Variants in NXPH1 observed in about 807,000 individuals in gnomAD.
NXPH1 encodes the protein neurexophilin-1.
NXPH1 carries 5 observed loss-of-function variants against 23.7 expected under a neutral mutation model. The observed-to-expected ratio is 0.21, with a 90% CI of 0.11 to 0.44. The LOEUF is 0.44. NXPH1 is among the 20% of genes least tolerant of loss of function. The pLI is 0.99. For synonymous variants in NXPH1, 144 were observed against 122.2 expected (o/e 1.18, Z -1.18); for missense variants, 324 against 321.6 (o/e 1.01, Z -0.06).
intron 2 of NXPH1, among the ~76,000 whole-genome samples, chr7:8,598,260 T>C (rs1819273249): frequency 6.6e-6 from 1 of 152,150 alleles, no homozygotes; most frequent in African/African-American, 2.4e-5. Context: ...GGAGTGGTAT[T>C]AATACTGAGG....
chr7:8,683,046 A>T (rs2115178186), intron 2 of NXPH1, among the ~76,000 whole-genome samples: 1 of 152,294 alleles, frequency 6.6e-6, no homozygotes, highest in Middle Eastern at 3.4e-3. Context: ...AGAGGTGTTT[A>T]TTTGGCTTGG....
At chr7:8,736,955 C>G (rs1048417022) in intron 2 of NXPH1, among the ~76,000 whole-genome samples, 1 of 145,090 alleles carries the variant, frequency 6.9e-6, no homozygotes, top group Non-Finnish European at 1.5e-5. Context: ...CAACCCCTAC[C>G]TTTTTTTTTT....
intron 2 of NXPH1, among the ~76,000 whole-genome samples, chr7:8,725,357 G>A (rs955770820): frequency 6.6e-6 from 1 of 152,056 alleles, no homozygotes; most frequent in Admixed American, 6.6e-5. Flanking sequence ...GGGCATGGTG[G>A]TGGGCGCCTG....
At chr7:8,734,577 T>G (rs1001765482) in intron 2 of NXPH1, among the ~76,000 whole-genome samples, 1 of 152,008 alleles carries the variant, frequency 6.6e-6, no homozygotes, top group Non-Finnish European at 1.5e-5. Flanking sequence ...TGATTTCCGT[T>G]CTTTTGTATT....
intron 2 of NXPH1, among the ~76,000 whole-genome samples, chr7:8,444,304 A>G (rs932209020): frequency 2.6e-5 from 4 of 152,154 alleles, no homozygotes; most frequent in African/African-American, 9.7e-5. Context: ...AGGTGAAAAG[A>G]GCGGTCGGAA....
chr7:8,673,449 T>A (rs1183496372), intron 2 of NXPH1, among the ~76,000 whole-genome samples: 2 of 152,194 alleles, frequency 1.3e-5, no homozygotes, highest in Non-Finnish European at 2.9e-5. Flanking sequence ...AATGGAAATG[T>A]ATTTCAAATC....
intron 2 of NXPH1, among the ~76,000 whole-genome samples, chr7:8,712,927 C>T (rs552817741): frequency 5.9e-5 from 9 of 152,144 alleles, no homozygotes; most frequent in African/African-American, 1.9e-4. Context: ...GCTTGGTATT[C>T]GGTAACTTTC....
At position 8,635,827 on chromosome 7, in the gene NXPH1, G is replaced by A. The variant is rs992983407; in HGVS notation, c.55-115181G>A. Among the ~76,000 whole-genome samples, 8 of 152,162 alleles carry A rather than the reference G, an allele frequency of 5.3e-5. No individual in the cohort carries two copies. The South Asian group carries it at 1.2e-3, about 24-fold the overall frequency. On this transcript the variant is annotated intron_variant, in intron 2 of 2. Coordinates refer to ENST00000405863, the MANE Select transcript of NXPH1 (RefSeq NM_152745.3). ...AAAAAGTTTGGTCCAACTGAATTTA[G>A]AATATATACACTTGGATAGTTTGCC...
chr7:8,459,943 G>A (rs1246624873), intron 2 of NXPH1, among the ~76,000 whole-genome samples: 2 of 152,142 alleles, frequency 1.3e-5, no homozygotes, highest in African/African-American at 2.4e-5. Context: ...TAGCCAAACT[G>A]AGCTATGCTG....
At chr7:8,515,281 T>A (rs1817669933) in intron 2 of NXPH1, among the ~76,000 whole-genome samples, 1 of 152,106 alleles carries the variant, frequency 6.6e-6, no homozygotes, top group Non-Finnish European at 1.5e-5. Flanking sequence ...TTCTGCAGCA[T>A]GTCCACCAGT....
intron 2 of NXPH1, among the ~76,000 whole-genome samples, chr7:8,539,454 G>T (rs939086045): frequency 1.3e-5 from 2 of 151,746 alleles, no homozygotes; most frequent in Non-Finnish European, 2.9e-5. Flanking sequence ...AGAAAAAAGT[G>T]ATAATACATA....
At position 8,442,579 on chromosome 7, in the gene NXPH1, T is replaced by C. The variant is rs1302438344; in HGVS notation, c.54+6812T>C. On this transcript the variant is annotated intron_variant, in intron 2 of 2. Transcript: ENST00000405863. This position sits in a 1 kb window ranked among gnomAD's most constrained non-coding sequence, Gnocchi z 4.6. Reference sequence around the variant, plus strand: ...TAAAAGGCCATTTTCCTTCGTCTTCTACAAGAAGCAAGAAACTTTTTTCGA... The same window carrying C: ...TAAAAGGCCATTTTCCTTCGTCTTCCACAAGAAGCAAGAAACTTTTTTCGA... Among the ~76,000 whole-genome samples the C allele has an allele frequency of 6.6e-6, 1 of 152,234 alleles. No individual in the cohort carries two copies. Among genetic ancestry groups the C allele is most frequent in the Non-Finnish European group, 1.5e-5 (1 of 68,034 alleles).
At chr7:8,728,123 G>A (rs1391730214) in intron 2 of NXPH1, among the ~76,000 whole-genome samples, 5 of 151,646 alleles carry the variant, frequency 3.3e-5, no homozygotes, top group African/African-American at 1.2e-4. Context: ...GTTCACTCAT[G>A]ATTTGGCTCT....
chr7:8,644,723 C>T (rs1340095504), intron 2 of NXPH1, among the ~76,000 whole-genome samples: 1 of 151,950 alleles, frequency 6.6e-6, no homozygotes, highest in Non-Finnish European at 1.5e-5. Flanking sequence ...ATAACCATTA[C>T]CATCCAGATT....
intron 2 of NXPH1, among the ~76,000 whole-genome samples, chr7:8,590,216 G>C (rs1232571293): frequency 6.6e-6 from 1 of 152,204 alleles, no homozygotes; most frequent in South Asian, 2.1e-4. Flanking sequence ...AGATACTGGA[G>C]GGTGGGTTTA....
At chr7:8,632,000 G>T (rs1446258614) in intron 2 of NXPH1, among the ~76,000 whole-genome samples, 2 of 152,072 alleles carry the variant, frequency 1.3e-5, no homozygotes, top group Admixed American at 6.6e-5. Context: ...GTAGGTTATA[G>T]GGTATTCTTT....
intron 2 of NXPH1, among the ~76,000 whole-genome samples, chr7:8,648,743 T>C (rs1820436446): frequency 6.6e-6 from 1 of 152,220 alleles, no homozygotes; most frequent in South Asian, 2.1e-4. Context: ...AAATGTGTTT[T>C]CTTGAAAACA....
chr7:8,505,281 C>A (rs1817504177), intron 2 of NXPH1, among the ~76,000 whole-genome samples: 1 of 151,986 alleles, frequency 6.6e-6, no homozygotes, highest in Non-Finnish European at 1.5e-5. Context: ...GTTTTCAAAA[C>A]TTTCCTAATA....
chr7:8,583,080 C>T (rs761175153), intron 2 of NXPH1, among the ~76,000 whole-genome samples: 5 of 152,000 alleles, frequency 3.3e-5, no homozygotes, highest in African/African-American at 7.3e-5. Context: ...TGTGACAGTG[C>T]CCAGGCTTGG....
Sources: gnomAD v4.1 joint callset for allele counts (sites outside exome capture counted in the v4.1 genomes callset) on GRCh38, gnomAD v4.1.1 for gene constraint, Gnocchi (gnomAD v3.1) non-coding constraint, MANE v1.5 for transcripts, NCBI Gene and HGNC (gene_info 2026-07-23, HGNC 2026-07-21) for gene names.